Variants in MAP1B observed in about 807,000 individuals in gnomAD.
The protein encoded by MAP1B is microtubule-associated protein 1B.
In MAP1B, 12 loss-of-function variants were observed where a neutral mutation model predicts 176.1. That is an observed-to-expected ratio of 0.07 (90% CI 0.04 to 0.11). The LOEUF (loss-of-function observed/expected upper bound fraction) is 0.11. Ranked by LOEUF, MAP1B falls within the 10% of genes least tolerant of loss-of-function variation. The probability of loss-of-function intolerance (pLI) is 1.00; values close to 1 mark genes in which losing one functional copy is unlikely to be tolerated. For missense variants in MAP1B, 2,523 were observed against 2,990.5 expected (o/e 0.84, Z 3.65); for synonymous variants, 1,044 against 1,135.0 (o/e 0.92, Z 1.61).
chr5:72,198,787 C>T lies in MAP1B; in HGVS notation c.5432C>T (p.Thr1811Ile). 1 of 1,614,196 alleles carries T rather than the reference C, an allele frequency of 6.2e-7. No homozygotes were observed. Among genetic ancestry groups the T allele is most frequent in the Non-Finnish European group, 8.5e-7 (1 of 1,180,038 alleles). The part of the protein sequence containing the change: ...SDSTSAVKEK[T>I]ATCHSSSSPP... ...TCTACCTCTGCAGTCAAAGAGAAAA[C>T]AGCAACTTGCCACAGTTCCTCTTCT... The change falls in exon 5 of 7, where the codon ACA becomes ATA. Residue 1811 changes from threonine (T) to isoleucine (I), a missense_variant. This residue lies in a region of MAP1B where 1,925 missense variants were observed against 2,126.0 expected (regional missense o/e 0.91). Transcript: ENST00000296755.
intron 2 of MAP1B, among the ~76,000 whole-genome samples, chr5:72,149,245 C>T (rs1305995731): frequency 1.3e-5 from 2 of 152,198 alleles, no homozygotes; most frequent in African/African-American, 4.8e-5. Flanking sequence ...GCCGTTTTTG[C>T]CATTTAATGT....
intron 2 of MAP1B, among the ~76,000 whole-genome samples, chr5:72,121,884 G>T (rs1745536180): frequency 6.6e-6 from 1 of 152,186 alleles, no homozygotes; most frequent in African/African-American, 2.4e-5. Context: ...TGTTCTAGCG[G>T]CATTCAAGGG....
chr5:72,160,904 G>C (rs1746314631), intron 2 of MAP1B, among the ~76,000 whole-genome samples: 1 of 152,094 alleles, frequency 6.6e-6, no homozygotes, highest in South Asian at 2.1e-4. Context: ...TGAATGAGAG[G>C]GTCTAGACTT....
intron 2 of MAP1B, among the ~76,000 whole-genome samples, chr5:72,155,766 C>CTTTTTTTTT (rs11330287): frequency 2.4e-5 from 3 of 126,570 alleles, no homozygotes; most frequent in Admixed American, 8.4e-5. Flanking sequence ...ATTTTCTTTT[C>CTTTTTTTTT]TTTTTTTTTT....
intron 2 of MAP1B, chr5:72,116,347 T>C (rs1412920260): frequency 6.1e-6 from 2 of 329,670 alleles, no homozygotes; most frequent in East Asian, 1.0e-4. Flanking sequence ...CGCCATTGCA[T>C]TACCACTTAT....
At position 72,198,446 on chromosome 5, in the gene MAP1B, C is replaced by T; in HGVS notation, c.5091C>T (p.Ser1697=). 6.2e-7 allele frequency: 1 copy of T among 1,613,902 alleles called. No individual in the cohort carries two copies. The highest frequency in any genetic ancestry group is 1.1e-5 in the South Asian group (1 of 91,068). The change falls in exon 5 of 7, where the codon TCC becomes TCT. Residue 1697 remains serine (S), a synonymous_variant. Transcript: ENST00000296755. ...VDYSPSDMQD[S]SLSHKIPPME... ...ACAGTCCTTCTGACATGCAGGACTC[C>T]AGTTTATCACATAAGATACCACCTA...
rs754730569 is a variant in MAP1B, at chr5:72,197,162, G to GTTC, written c.3807_3808insTTC (p.Lys1269_Thr1270insPhe). 2 of 1,614,158 alleles carry GTTC rather than the reference G, an allele frequency of 1.2e-6. No homozygotes were observed. Among genetic ancestry groups the GTTC allele is most frequent in the Admixed American group, 3.3e-5 (2 of 60,016 alleles). On this transcript the variant is annotated inframe_insertion, in exon 5 of 7. Coordinates refer to ENST00000296755, the MANE Select transcript of MAP1B (RefSeq NM_005909.5). ...CATCTCCACCATCACCCTTAGAAAA[G>GTTC]ACCCCCCTGGGTGAACGTAGTGTGA...
chr5:72,147,574 C>A (rs1441291635), intron 2 of MAP1B, among the ~76,000 whole-genome samples: 4 of 152,084 alleles, frequency 2.6e-5, no homozygotes, highest in Non-Finnish European at 5.9e-5. Flanking sequence ...ATGCTTGGTC[C>A]CTGGAAGCCC....
At position 72,209,030 on chromosome 5, in the gene MAP1B, G is replaced by T. The variant is rs963963416; in HGVS notation, c.*3791G>T. On this transcript the variant is annotated 3_prime_UTR_variant, in exon 7 of 7. Coordinates refer to ENST00000296755, the MANE Select transcript of MAP1B (RefSeq NM_005909.5). ...TGAGCATTTCTTTGAAAGCAATTAGGTTATTCACCTGGTATTAAAACTATT... is the reference window on the plus strand; with the variant it reads ...TGAGCATTTCTTTGAAAGCAATTAGTTTATTCACCTGGTATTAAAACTATT... 1.3e-5 allele frequency: 2 copies of T among 152,074 alleles called. No individual in the cohort carries two copies. Among genetic ancestry groups the T allele is most frequent in the African/African-American group, 2.4e-5 (1 of 41,408 alleles). 9.4% of individuals were successfully genotyped at this position (152,074 alleles called of 1,614,324 possible).
At chr5:72,121,153 G>A (rs1036537729) in intron 2 of MAP1B, among the ~76,000 whole-genome samples, 6 of 152,184 alleles carry the variant, frequency 3.9e-5, no homozygotes, top group East Asian at 3.9e-4. Flanking sequence ...GGGTGCCCAC[G>A]CAAGGGCTGT....
chr5:72,139,476 T>A (rs187538385), intron 2 of MAP1B, among the ~76,000 whole-genome samples: 1 of 152,350 alleles, frequency 6.6e-6, no homozygotes, highest in Admixed American at 6.5e-5. Context: ...TCTGATGCAC[T>A]TTCTAGCCCT....
At chr5:72,110,847 A>C (rs1214825446) in intron 1 of MAP1B, among the ~76,000 whole-genome samples, 2 of 152,204 alleles carry the variant, frequency 1.3e-5, no homozygotes. Flanking sequence ...ACATGGTGGT[A>C]ATGCAGTAAA....
chr5:72,145,663 C>T (rs762338126), intron 2 of MAP1B, among the ~76,000 whole-genome samples: 3 of 152,214 alleles, frequency 2.0e-5, no homozygotes, highest in Non-Finnish European at 2.9e-5. Context: ...CTCCAAGCAT[C>T]TCCTTCAAGA....
intron 2 of MAP1B, among the ~76,000 whole-genome samples, chr5:72,124,103 C>G (rs1342251099): frequency 6.6e-6 from 1 of 152,120 alleles, no homozygotes; most frequent in African/African-American, 2.4e-5. Flanking sequence ...ACCCAGGTAC[C>G]AGCACCCCAC....
Position 72,194,322 on chromosome 5 carries a change from A to G in MAP1B, c.967A>G (p.Met323Val). The G allele has an allele frequency of 6.2e-7, 1 of 1,614,242 alleles. No homozygotes were observed. The highest frequency in any genetic ancestry group is 8.5e-7 in the Non-Finnish European group (1 of 1,180,046). Residue 323 changes from methionine to valine, a missense_variant, in exon 5 of 7, where the codon ATG becomes GTG. By Grantham distance (21) the Met-to-Val change is conservative. Transcript: ENST00000296755. This position sits in a 1 kb window ranked among gnomAD's most constrained non-coding sequence, Gnocchi z 7.2. ...GDDNLPGINS[M>V]LQRKIAELEE... ...TGACAATTTGCCTGGAATAAACAGC[A>G]TGTTACAGCGGAAAATTGCAGAGCT... is the stretch of plus-strand genomic sequence containing the variant.
intron 2 of MAP1B, among the ~76,000 whole-genome samples, chr5:72,175,939 C>T (rs1052596733): frequency 2.6e-5 from 4 of 152,170 alleles, no homozygotes; most frequent in South Asian, 4.1e-4. Flanking sequence ...ACATTATTTG[C>T]GAAGTCTCCT....
At chr5:72,141,285 G>A (rs1745943586) in intron 2 of MAP1B, among the ~76,000 whole-genome samples, 1 of 152,224 alleles carries the variant, frequency 6.6e-6, no homozygotes, top group African/African-American at 2.4e-5. Flanking sequence ...ATCTGAGCAT[G>A]GCTGGTGGGG....
intron 2 of MAP1B, among the ~76,000 whole-genome samples, chr5:72,151,895 G>C (rs1746146696): frequency 6.6e-6 from 1 of 152,106 alleles, no homozygotes; most frequent in Non-Finnish European, 1.5e-5. Flanking sequence ...TTTATTTTTA[G>C]ATAACTTTAG....
chr5:72,184,968 C>T (rs1034992905), intron 3 of MAP1B, among the ~76,000 whole-genome samples: 2 of 152,188 alleles, frequency 1.3e-5, no homozygotes, highest in African/African-American at 2.4e-5. Context: ...CATCAGCAGT[C>T]GGTCTCCATT....
Sources: allele counts gnomAD v4.1 joint callset (sites outside exome capture counted in the v4.1 genomes callset), GRCh38; gene constraint gnomAD v4.1.1; regional missense constraint gnomAD v4.1.1; non-coding constraint Gnocchi (gnomAD v3.1); transcripts MANE v1.5; gene names NCBI Gene and HGNC (gene_info 2026-07-23, HGNC 2026-07-21).